ZBBX: variants seen among roughly 807,000 people sequenced by gnomAD.
The protein encoded by ZBBX is zinc finger B-box domain containing.
A neutral mutation model predicts 108.5 loss-of-function variants in ZBBX; 101 were observed. The observed-to-expected ratio is 0.93, with a 90% CI of 0.79 to 1.10. The LOEUF (loss-of-function observed/expected upper bound fraction) is 1.10. ZBBX is among the 50% of genes least tolerant of loss of function. The pLI is 0.00. For missense variants in ZBBX, 1,009 were observed against 941.4 expected (o/e 1.07, Z -0.94); for synonymous variants, 356 against 323.4 (o/e 1.10, Z -1.08).
At chr3:167,394,636 GA>G (rs1748176046) in intron 1 of ZBBX, among the ~76,000 whole-genome samples, 1 of 151,762 alleles carries the variant, frequency 6.6e-6, no homozygotes, top group Non-Finnish European at 1.5e-5. Flanking sequence ...ACGGCCCAAA[GA>G]AGCAAGCCTT....
At chr3:167,388,954 C>T (rs1577143393) in intron 1 of ZBBX, among the ~76,000 whole-genome samples, 1 of 151,710 alleles carries the variant, frequency 6.6e-6, no homozygotes, top group African/African-American at 2.4e-5. Flanking sequence ...TTGAGAATTA[C>T]CTCTTTTCTT....
intron 8 of ZBBX, among the ~76,000 whole-genome samples, chr3:167,356,061 G>A (rs1463816587): frequency 6.6e-6 from 1 of 151,972 alleles, no homozygotes; most frequent in Non-Finnish European, 1.5e-5. Flanking sequence ...AAGTTCCATG[G>A]CTCAAGTGCT....
chr3:167,185,271 A>G, the ZBBX span, among the ~76,000 whole-genome samples: 1 of 152,306 alleles, frequency 6.6e-6, no homozygotes, highest in South Asian at 2.1e-4. Context: ...AGCCAGACCC[A>G]AGAAGCTATG....
At chr3:167,279,405 G>C (rs900505050) in intron 20 of ZBBX, among the ~76,000 whole-genome samples, 6 of 151,930 alleles carry the variant, frequency 3.9e-5, no homozygotes, top group African/African-American at 1.2e-4. Flanking sequence ...AATGTCTCAG[G>C]ATACAAAATC....
the ZBBX span, among the ~76,000 whole-genome samples, chr3:167,188,918 T>C: frequency 1.4e-4 from 21 of 152,290 alleles, no homozygotes; most frequent in East Asian, 4.1e-3. Context: ...GAGGAAACCC[T>C]GAGATTTAAA....
the ZBBX span, among the ~76,000 whole-genome samples, chr3:167,198,298 G>C: frequency 1.3e-5 from 2 of 151,980 alleles, no homozygotes. Flanking sequence ...AATTTGAGTA[G>C]AGTTGTTATA....
chr3:167,312,554 C>T (rs1734770421), intron 16 of ZBBX, among the ~76,000 whole-genome samples: 1 of 152,120 alleles, frequency 6.6e-6, no homozygotes, highest in Non-Finnish European at 1.5e-5. Context: ...TATATAGGAA[C>T]TCTCTGTACT....
At chr3:167,274,159 C>T (rs911896769) in intron 20 of ZBBX, among the ~76,000 whole-genome samples, 1 of 152,240 alleles carries the variant, frequency 6.6e-6, no homozygotes, top group South Asian at 2.1e-4. Flanking sequence ...TAACAAAGGC[C>T]TTACAGAGAC....
intron 11 of ZBBX, among the ~76,000 whole-genome samples, 200 bp downstream of exon 11, chr3:167,327,742 C>G (rs1196778585): frequency 1.3e-5 from 2 of 151,730 alleles, no homozygotes; most frequent in African/African-American, 4.8e-5. Flanking sequence ...GGCAAAACCC[C>G]GTCTCTACTA....
intron 16 of ZBBX, among the ~76,000 whole-genome samples, chr3:167,307,488 A>T (rs1415855142): frequency 6.6e-6 from 1 of 152,098 alleles, no homozygotes; most frequent in Non-Finnish European, 1.5e-5. Context: ...TCAAGCTGAG[A>T]GCCAAAAGAG....
chr3:167,360,797 T>C, intron 6 of ZBBX, 74 bp from the exon 7 acceptor site: 1 of 868,320 alleles, frequency 1.2e-6, no homozygotes, highest in Non-Finnish European at 1.7e-6. Flanking sequence ...ACAAAAATAT[T>C]AGAAAGCTGT....
rs61671930 is a variant in ZBBX at position 167,397,142 on chromosome 3, T to TAAAAAAAAAAAAAAAAAAAAAAAAAAAAA, written c.-446+10583_-446+10584insTTTTTTTTTTTTTTTTTTTTTTTTTTTTT. 1.0e-3 allele frequency among the ~76,000 whole-genome samples: 73 copies of TAAAAAAAAAAAAAAAAAAAAAAAAAAAAA among 72,380 alleles called. 6 individuals carry two copies. The highest frequency in any genetic ancestry group is 8.8e-3 in the Middle Eastern group (1 of 114). The allele number at this position is 72,380 out of a possible 152,430, so 47.5% of individuals were successfully genotyped here. ...GTCGTGAAGAAGAGGTTCTTGGTGGTAAAAAAAAAAAAAAAAAAAAAAAAT... is the reference window on the plus strand; with the variant it reads ...GTCGTGAAGAAGAGGTTCTTGGTGGTAAAAAAAAAAAAAAAAAAAAAAAAAAAAAAAAAAAAAAAAAAAAAAAAAAAAAT... On this transcript the variant is annotated intron_variant, in intron 1 of 21. Coordinates refer to the ZBBX transcript ENST00000455345.
At chr3:167,398,084 A>G (rs1315476443) in intron 1 of ZBBX, among the ~76,000 whole-genome samples, 1 of 151,972 alleles carries the variant, frequency 6.6e-6, no homozygotes, top group South Asian at 2.1e-4. Flanking sequence ...TGAGAAAAAA[A>G]AATGAACGAG....
At chr3:167,215,920 A>C in the ZBBX span, among the ~76,000 whole-genome samples, 9 of 152,210 alleles carry the variant, frequency 5.9e-5, no homozygotes, top group Admixed American at 5.9e-4. Context: ...GTTTTGACAA[A>C]ATTCAACATT....
chr3:167,248,901 G>A lies in ZBBX; in HGVS notation c.2255-6258C>T, dbSNP rs1345697694. On this transcript the variant is annotated intron_variant, in intron 20 of 21. Transcript: ENST00000675490. ...ACATACTGCATCAGTATCCATGGCC[G>A]GCACCTGCCAAGGTCATCGGGGCTC... Among the ~76,000 whole-genome samples, 9 of 152,318 alleles carry A rather than the reference G, an allele frequency of 5.9e-5. No homozygotes were observed. In the South Asian group the frequency reaches 6.2e-4, roughly 11 times the overall value.
intron 4 of ZBBX, among the ~76,000 whole-genome samples, chr3:167,371,760 T>G (rs566573301): frequency 1.6e-4 from 25 of 152,178 alleles, no homozygotes; most frequent in Non-Finnish European, 3.4e-4. Context: ...ATGGTATACC[T>G]AAAAATGATA....
At chr3:167,276,034 G>T (rs533269932) in intron 20 of ZBBX, among the ~76,000 whole-genome samples, 1 of 150,800 alleles carries the variant, frequency 6.6e-6, no homozygotes, top group Non-Finnish European at 1.5e-5. Flanking sequence ...CACCTCACAC[G>T]GCCGGGTACT....
chr3:167,273,843 G>C (rs1455497408), intron 20 of ZBBX, among the ~76,000 whole-genome samples: 1 of 152,138 alleles, frequency 6.6e-6, no homozygotes, highest in Non-Finnish European at 1.5e-5. Flanking sequence ...GTCCCACAGG[G>C]GGTACCTGAT....
At chr3:167,403,109 A>G (rs1273072183) in intron 1 of ZBBX, among the ~76,000 whole-genome samples, 1 of 152,152 alleles carries the variant, frequency 6.6e-6, no homozygotes, top group Admixed American at 6.6e-5. Context: ...CTGAATCTCC[A>G]ATGGAGTAAA....
Sources: allele counts gnomAD v4.1 joint callset (sites outside exome capture counted in the v4.1 genomes callset), GRCh38; gene constraint gnomAD v4.1.1; transcripts MANE v1.5; gene names NCBI Gene and HGNC (gene_info 2026-07-23, HGNC 2026-07-21).